Variants in RPS6KB1 observed in about 807,000 individuals in gnomAD.
The protein encoded by RPS6KB1 is ribosomal protein S6 kinase B1.
RPS6KB1 carries 12 observed loss-of-function variants against 70.2 expected under a neutral mutation model. The observed-to-expected ratio is 0.17, with a 90% CI of 0.11 to 0.28. RPS6KB1 has a LOEUF of 0.28. Ranked by LOEUF, RPS6KB1 falls within the 10% of genes least tolerant of loss-of-function variation. RPS6KB1 has a pLI of 1.00. For synonymous variants in RPS6KB1, 175 were observed against 211.2 expected (o/e 0.83, Z 1.49); for missense variants, 270 against 646.6 (o/e 0.42, Z 6.32).
intron 1 of RPS6KB1, among the ~76,000 whole-genome samples, chr17:59,908,868 T>G: frequency 7.1e-6 from 1 of 141,656 alleles, no homozygotes; most frequent in South Asian, 2.3e-4. Flanking sequence ...TCCGCCCGCC[T>G]CGGCCTCCCA....
Position 59,900,171 on chromosome 17 carries a change from A to AACACACACACACACAC in RPS6KB1, c.141+6891_141+6906dup, listed in dbSNP as rs759914423. Among the ~76,000 whole-genome samples the AACACACACACACACAC allele has an allele frequency of 1.7e-3, 179 of 102,480 alleles. 4 individuals are homozygous for AACACACACACACACAC. The highest frequency in any genetic ancestry group is 5.1e-3 in the East Asian group (16 of 3,168). The allele number at this position is 102,480 out of a possible 152,430, so 67.2% of individuals were successfully genotyped here. A position where few individuals can be genotyped will look rare whatever the true frequency, so the allele number is the denominator to read the frequency against. The stretch of plus-strand genomic sequence containing the variant: ...CTGGGTGACAGAAACCTAATTGCTA[A>AACACACACACACACAC]ACACACACACACACACACACACACA... On this transcript the variant is annotated intron_variant, in intron 1 of 14. Coordinates refer to ENST00000225577, the MANE Select transcript of RPS6KB1 (RefSeq NM_003161.4).
At chr17:59,907,994 A>G (rs2042369234) in intron 1 of RPS6KB1, among the ~76,000 whole-genome samples, 1 of 152,028 alleles carries the variant, frequency 6.6e-6, no homozygotes, top group Non-Finnish European at 1.5e-5. Flanking sequence ...ACTGTTTGAC[A>G]GTGTTGCTTA....
intron 4 of RPS6KB1, among the ~76,000 whole-genome samples, chr17:59,917,439 A>T (rs929273856): frequency 3.3e-5 from 5 of 151,324 alleles, no homozygotes; most frequent in South Asian, 2.1e-4. Context: ...TAAATTAATT[A>T]ATTTATTTAT....
chr17:59,945,006 T>G (rs1233868249), intron 13 of RPS6KB1, among the ~76,000 whole-genome samples: 1 of 152,130 alleles, frequency 6.6e-6, no homozygotes, highest in Admixed American at 6.5e-5. Flanking sequence ...TTCACCACAT[T>G]GGCCAGGCTG....
chr17:59,934,400 T>C lies in RPS6KB1; in HGVS notation c.780-34T>C. 6.3e-7 allele frequency: 1 copy of C among 1,579,186 alleles called. No individual in the cohort carries two copies. Among genetic ancestry groups the C allele is most frequent in the Non-Finnish European group, 8.7e-7 (1 of 1,148,764 alleles). On this transcript the variant is annotated intron_variant, in intron 8 of 14. Coordinates refer to ENST00000225577, the MANE Select transcript of RPS6KB1 (RefSeq NM_003161.4). The surrounding 1 kb of genome is among the most constrained non-coding windows in gnomAD (Gnocchi z 4.8). ...CTAATTCAGATGATATGCAAATGGGTGAATTTTTAAGCATATTATTTTCCT... is the reference window on the plus strand; with the variant it reads ...CTAATTCAGATGATATGCAAATGGGCGAATTTTTAAGCATATTATTTTCCT...
At chr17:59,900,171 A>ACACACACAC (rs2041825803) in intron 1 of RPS6KB1, among the ~76,000 whole-genome samples, 7 of 102,424 alleles carry the variant, frequency 6.8e-5, no homozygotes, top group African/African-American at 2.4e-4. Flanking sequence ...CTAATTGCTA[A>ACACACACAC]ACACACACAC....
At chr17:59,917,662 T>A (rs2043034638) in intron 4 of RPS6KB1, among the ~76,000 whole-genome samples, 1 of 152,212 alleles carries the variant, frequency 6.6e-6, no homozygotes. Flanking sequence ...GGCCTGGAAC[T>A]CCTGGCCTCA....
At chr17:59,929,908 T>C (rs2043841319) in intron 5 of RPS6KB1, among the ~76,000 whole-genome samples, 1 of 152,194 alleles carries the variant, frequency 6.6e-6, no homozygotes, top group African/African-American at 2.4e-5. Context: ...TTTTTAAATA[T>C]ATGTGTGTCA....
intron 1 of RPS6KB1, among the ~76,000 whole-genome samples, chr17:59,895,318 CTTTTTTT>C (rs71145587): frequency 2.3e-4 from 24 of 106,278 alleles, no homozygotes; most frequent in Admixed American, 4.2e-4. Context: ...CTGCGCCTGG[CTTTTTTT>C]TTTTTTTTTT....
At chr17:59,908,856 G>T (rs2042430584) in intron 1 of RPS6KB1, among the ~76,000 whole-genome samples, 1 of 140,120 alleles carries the variant, frequency 7.1e-6, no homozygotes, top group African/African-American at 2.8e-5. Context: ...CTGACCTCGT[G>T]ATCCGCCCGC....
intron 2 of RPS6KB1, 190 bp from the exon 3 acceptor site, chr17:59,912,494 C>A: frequency 6.0e-6 from 3 of 502,910 alleles, no homozygotes; most frequent in East Asian, 3.3e-5. Flanking sequence ...AACAAGGAGG[C>A]AAACGATTAT....
intron 4 of RPS6KB1, among the ~76,000 whole-genome samples, chr17:59,924,923 G>A (rs1008368548): frequency 8.6e-5 from 13 of 151,960 alleles, no homozygotes; most frequent in African/African-American, 3.1e-4. Flanking sequence ...CCGCCTCCCA[G>A]GTTCATGCCA....
chr17:59,932,267 C>T (rs1000898215), intron 7 of RPS6KB1, among the ~76,000 whole-genome samples: 7 of 151,110 alleles, frequency 4.6e-5, no homozygotes, highest in African/African-American at 1.5e-4. Flanking sequence ...AAAAAATTAG[C>T]TGGGCATGAT....
intron 4 of RPS6KB1, among the ~76,000 whole-genome samples, chr17:59,920,238 G>A (rs777884092): frequency 6.6e-6 from 1 of 151,880 alleles, no homozygotes; most frequent in African/African-American, 2.4e-5. Context: ...GGCTGGTCTC[G>A]AACTCCTGAC....
intron 12 of RPS6KB1, among the ~76,000 whole-genome samples, chr17:59,939,380 C>T (rs1401051643): frequency 6.6e-6 from 1 of 152,156 alleles, no homozygotes; most frequent in Non-Finnish European, 1.5e-5. Flanking sequence ...TTCCCGGCCT[C>T]CAGCAATCCT....
rs2044870427 is a variant in RPS6KB1, at chr17:59,945,528, ACT to A, written c.1340+13_1340+14del. On this transcript the variant is annotated intron_variant, in intron 14 of 14. Coordinates refer to ENST00000225577, the MANE Select transcript of RPS6KB1 (RefSeq NM_003161.4). Reference sequence around the variant, plus strand: ...CACGAACACCTGTCAGGTATTTCACACTCTTATTTTCACTTTTTTTTGTTTTT... The same window carrying A: ...CACGAACACCTGTCAGGTATTTCACACTTATTTTCACTTTTTTTTGTTTTT... 5 of 1,477,484 alleles carry A rather than the reference ACT, an allele frequency of 3.4e-6. No individual in the cohort carries two copies. In the African/African-American group the frequency reaches 4.2e-5, roughly 12 times the overall value. 91.5% of individuals were successfully genotyped at this position (1,477,484 alleles called of 1,614,324 possible).
chr17:59,910,999 C>T (rs2144777482), intron 2 of RPS6KB1, among the ~76,000 whole-genome samples: 2 of 152,202 alleles, frequency 1.3e-5, no homozygotes, highest in East Asian at 3.9e-4. Flanking sequence ...TTCATGCAAT[C>T]CGGCTGGGCA....
intron 4 of RPS6KB1, among the ~76,000 whole-genome samples, chr17:59,922,131 C>G (rs972711610): frequency 1.3e-5 from 2 of 151,270 alleles, no homozygotes; most frequent in African/African-American, 4.9e-5. Context: ...ACCTCCACCT[C>G]CTGGGTTCAA....
rs2044133468 is a variant in RPS6KB1, at chr17:59,934,680, A to G, written c.870+156A>G. Reference sequence around the variant, plus strand: ...TTAACACTAATAATGCTGTATGATTATATGGGATCCCATACTTTCCGAAAC... The same window carrying G: ...TTAACACTAATAATGCTGTATGATTGTATGGGATCCCATACTTTCCGAAAC... On this transcript the variant is annotated intron_variant, in intron 9 of 14. Transcript: ENST00000225577. This position sits in a 1 kb window ranked among gnomAD's most constrained non-coding sequence, Gnocchi z 4.8. The G allele has an allele frequency of 1.7e-6, 1 of 578,680 alleles. No individual in the cohort carries two copies. Among genetic ancestry groups the G allele is most frequent in the African/African-American group, 1.9e-5 (1 of 53,680 alleles). The allele number at this position is 578,680 out of a possible 1,614,324, so 35.8% of individuals were successfully genotyped here. A position where few individuals can be genotyped will look rare whatever the true frequency, so the allele number is the denominator to read the frequency against.
Sources: gnomAD v4.1 joint callset for allele counts (sites outside exome capture counted in the v4.1 genomes callset) on GRCh38, gnomAD v4.1.1 for gene constraint, Gnocchi (gnomAD v3.1) non-coding constraint, MANE v1.5 for transcripts, NCBI Gene and HGNC (gene_info 2026-07-23, HGNC 2026-07-21) for gene names.